SLC49A4: variants seen among roughly 807,000 people sequenced by gnomAD.
SLC49A4 encodes the protein disrupted in renal cancer protein 2.
SLC49A4 carries 36 observed loss-of-function variants against 50.6 expected under a neutral mutation model. The ratio of observed to expected loss-of-function variants is 0.71; its 90% confidence interval spans 0.55 to 0.94. SLC49A4 has a LOEUF of 0.94. Ranked by LOEUF, SLC49A4 falls within the 40% of genes least tolerant of loss-of-function variation. The probability of loss-of-function intolerance (pLI) is 0.00; values close to 1 mark genes in which losing one functional copy is unlikely to be tolerated. For missense variants in SLC49A4, 503 were observed against 605.7 expected (o/e 0.83, Z 1.78); for synonymous variants, 248 against 241.2 (o/e 1.03, Z -0.26).
intron 4 of SLC49A4, among the ~76,000 whole-genome samples, chr3:122,839,350 A>G (rs1441246230): frequency 6.6e-6 from 1 of 152,174 alleles, no homozygotes; most frequent in African/African-American, 2.4e-5. Context: ...ATTCATGACT[A>G]ATACCCCAAA....
intron 2 of SLC49A4, among the ~76,000 whole-genome samples, chr3:122,817,478 C>G (rs1936386948): frequency 6.6e-6 from 1 of 152,160 alleles, no homozygotes; most frequent in Non-Finnish European, 1.5e-5. Context: ...ATTTTAACCA[C>G]TGAGTTTGTG....
At position 122,806,896 on chromosome 3, in the gene SLC49A4, T is replaced by C; in HGVS notation, c.383T>C (p.Val128Ala). ...ITVLLTSFLM[V>A]LGTGLRCIPI... ...GTGCTCCTGACATCCTTCCTTATGG[T>C]TTTGGGAACTGGTCTAAGATGCATA... Residue 128 changes from valine (V) to alanine (A), a missense_variant, in exon 2 of 9, where the codon GTT (valine) becomes GCT (alanine). By Grantham distance (64) the Val-to-Ala change is moderately conservative (BLOSUM62 0). Coordinates refer to ENST00000261038, the MANE Select transcript of SLC49A4 (RefSeq NM_032839.3). 6.2e-7 allele frequency: 1 copy of C among 1,610,980 alleles called. No homozygotes were observed. Among genetic ancestry groups the C allele is most frequent in the South Asian group, 1.1e-5 (1 of 90,986 alleles).
chr3:122,860,027 T>C (rs780746545), intron 6 of SLC49A4, 48 bp from the exon 7 acceptor site: 1 of 1,493,978 alleles, frequency 6.7e-7, no homozygotes, highest in East Asian at 2.5e-5. Flanking sequence ...TTTGCTTAAA[T>C]AGTATTTTTA....
intron 6 of SLC49A4, among the ~76,000 whole-genome samples, chr3:122,857,030 G>A (rs1216189677): frequency 1.3e-5 from 2 of 151,992 alleles, no homozygotes; most frequent in Non-Finnish European, 2.9e-5. Context: ...ATTAATAGCT[G>A]TGGAGACTAA....
intron 5 of SLC49A4, among the ~76,000 whole-genome samples, chr3:122,852,235 G>A (rs569650551): frequency 5.3e-5 from 8 of 152,138 alleles, no homozygotes; most frequent in South Asian, 2.1e-4. Flanking sequence ...CAGGTGATTC[G>A]CCTGCTTTGG....
At chr3:122,800,971 T>C (rs972462698) in intron 1 of SLC49A4, among the ~76,000 whole-genome samples, 2 of 152,212 alleles carry the variant, frequency 1.3e-5, no homozygotes, top group Admixed American at 6.5e-5. Flanking sequence ...GATTATTAAT[T>C]TGAAGTCAGA....
At chr3:122,799,909 AGTT>A (rs1484287686) in intron 1 of SLC49A4, among the ~76,000 whole-genome samples, 1 of 152,158 alleles carries the variant, frequency 6.6e-6, no homozygotes, top group African/African-American at 2.4e-5. Context: ...CAATTTACTA[AGTT>A]GTGTAAGATG....
intron 7 of SLC49A4, 51 bp downstream of exon 7, chr3:122,860,253 G>T (rs1937045050): frequency 3.3e-6 from 5 of 1,506,982 alleles, no homozygotes; most frequent in Non-Finnish European, 4.5e-6. Context: ...ATTCACAGAA[G>T]TGTACATAAC....
intron 3 of SLC49A4, 96 bp downstream of exon 3, chr3:122,827,161 A>G: frequency 7.7e-7 from 1 of 1,292,980 alleles, no homozygotes. Context: ...CATATGAAAT[A>G]CTTGAGAGGA....
At chr3:122,875,378 T>C (rs1490396889) in intron 8 of SLC49A4, among the ~76,000 whole-genome samples, 1 of 152,102 alleles carries the variant, frequency 6.6e-6, no homozygotes, top group Non-Finnish European at 1.5e-5. Context: ...GGAGACAGGG[T>C]CTTGCTCTGT....
At chr3:122,865,814 C>T (rs1326392317) in intron 7 of SLC49A4, among the ~76,000 whole-genome samples, 2 of 152,032 alleles carry the variant, frequency 1.3e-5, no homozygotes, top group Non-Finnish European at 2.9e-5. Flanking sequence ...AAAAGTTTGT[C>T]CAGTAAAGTG....
intron 6 of SLC49A4, 105 bp downstream of exon 6, chr3:122,856,479 C>T: frequency 9.4e-7 from 1 of 1,069,268 alleles, no homozygotes; most frequent in Non-Finnish European, 1.4e-6. Flanking sequence ...AAAAGTAAAA[C>T]AAGCAAAGGT....
rs534733806 is a variant in SLC49A4 at position 122,795,073 on chromosome 3, C to A, written c.-120C>A. On this transcript the variant is annotated 5_prime_UTR_variant, in exon 1 of 9. Coordinates refer to ENST00000261038, the MANE Select transcript of SLC49A4 (RefSeq NM_032839.3). Reference sequence around the variant, plus strand: ...CCGCGCAGGCGCACCAGGCGCGGTCCGGAGGCCGAGGGCGACCACAGCAGC... The same window carrying A: ...CCGCGCAGGCGCACCAGGCGCGGTCAGGAGGCCGAGGGCGACCACAGCAGC... 1.7e-6 allele frequency: 2 copies of A among 1,167,576 alleles called. No individual in the cohort carries two copies. Among genetic ancestry groups the A allele is most frequent in the East Asian group, 3.3e-5 (1 of 30,166 alleles). 72.3% of individuals were successfully genotyped at this position (1,167,576 alleles called of 1,614,324 possible). A position where few individuals can be genotyped will look rare whatever the true frequency, so the allele number is the denominator to read the frequency against.
intron 7 of SLC49A4, among the ~76,000 whole-genome samples, chr3:122,870,843 T>TAATAA (rs71136596): frequency 0.11 from 16,330 of 147,276 alleles, 1,013 homozygotes; most frequent in Middle Eastern, 0.15. Flanking sequence ...ATAATAATAA[T>TAATAA]TAATTAATAA....
At chr3:122,854,030 A>G (rs1936955894) in intron 5 of SLC49A4, among the ~76,000 whole-genome samples, 1 of 152,226 alleles carries the variant, frequency 6.6e-6, no homozygotes, top group African/African-American at 2.4e-5. Context: ...TACCAGCATC[A>G]GTACAGCCAG....
chr3:122,846,723 A>T lies in SLC49A4; in HGVS notation c.942+852A>T, dbSNP rs375156956. On this transcript the variant is annotated intron_variant, in intron 5 of 8. Coordinates refer to ENST00000261038, the MANE Select transcript of SLC49A4 (RefSeq NM_032839.3). ...AGTCTTTTTCACTTTAGACATGCTG[A>T]TAGCTGTGCAGTTGTATGCCATCAT... Among the ~76,000 whole-genome samples, 39 of 152,340 alleles carry T rather than the reference A, an allele frequency of 2.6e-4. No individual in the cohort carries two copies. The South Asian group carries it at 8.1e-3, about 32-fold the overall frequency.
intron 7 of SLC49A4, among the ~76,000 whole-genome samples, chr3:122,869,709 T>C (rs1191951989): frequency 6.6e-6 from 1 of 152,234 alleles, no homozygotes; most frequent in African/African-American, 2.4e-5. Flanking sequence ...AATTTTATCT[T>C]TCCAACGACA....
chr3:122,812,957 G>A (rs1016795381), intron 2 of SLC49A4, among the ~76,000 whole-genome samples: 1 of 152,124 alleles, frequency 6.6e-6, no homozygotes, highest in Non-Finnish European at 1.5e-5. Flanking sequence ...AAAAAAGGGA[G>A]TAAAAGGTGT....
chr3:122,845,503 GT>G lies in SLC49A4; in HGVS notation c.834-258del, dbSNP rs1330350807. On this transcript the variant is annotated intron_variant, in intron 4 of 8. Coordinates refer to ENST00000261038, the MANE Select transcript of SLC49A4 (RefSeq NM_032839.3). ...GGGTCAAATGGTAATTCTCTTTTAAGTTCTTTTAGAAATTGCCAAACTGCCT... is the reference window on the plus strand; with the variant it reads ...GGGTCAAATGGTAATTCTCTTTTAAGTCTTTTAGAAATTGCCAAACTGCCT... 2.7e-5 allele frequency among the ~76,000 whole-genome samples: 4 copies of G among 150,770 alleles called. No individual in the cohort carries two copies. In the East Asian group the frequency reaches 7.9e-4, roughly 30 times the overall value.
Sources: allele counts gnomAD v4.1 joint callset (sites outside exome capture counted in the v4.1 genomes callset), GRCh38; gene constraint gnomAD v4.1.1; transcripts MANE v1.5; gene names NCBI Gene and HGNC (gene_info 2026-07-23, HGNC 2026-07-21).